The following PGLYRP2 variants were observed in gnomAD, a reference collection of about 807,000 sequenced individuals.
The protein encoded by PGLYRP2 is peptidoglycan recognition protein 2.
In PGLYRP2, 38 loss-of-function variants were observed where a neutral mutation model predicts 46.2. The ratio of observed to expected loss-of-function variants is 0.82; its 90% CI spans 0.64 to 1.08. The LOEUF is 1.08. Among genes scored for constraint, PGLYRP2 ranks in the 50% least tolerant of loss-of-function variants. The probability of loss-of-function intolerance (pLI) is 0.00; values close to 1 mark genes in which losing one functional copy is unlikely to be tolerated. For synonymous variants in PGLYRP2, 289 were observed against 329.4 expected (o/e 0.88, Z 1.33); for missense variants, 713 against 755.9 (o/e 0.94, Z 0.67).
rs1043735100 is a variant in PGLYRP2 at position 15,469,236 on chromosome 19, C to T, written c.1641+396G>A. Reference sequence around the variant, plus strand: ...GGGGTGAGGTCAAGGTTCGGCGGGCCAGGATGAGGTGGTGCAGCCTGACAG... The same window carrying T: ...GGGGTGAGGTCAAGGTTCGGCGGGCTAGGATGAGGTGGTGCAGCCTGACAG... On this transcript the variant is annotated intron_variant, in intron 4 of 4. Transcript: ENST00000340880. This position sits in a 1 kb window ranked among gnomAD's most constrained non-coding sequence, Gnocchi z 4.9. 6.7e-6 allele frequency: 4 copies of T among 595,728 alleles called. No homozygotes were observed. In the African/African-American group the frequency reaches 7.5e-5, roughly 11 times the overall value. The allele number at this position is 595,728 out of a possible 1,614,324, so 36.9% of individuals were successfully genotyped here.
chr19:15,474,182 C>A (rs140755383), intron 2 of PGLYRP2, among the ~76,000 whole-genome samples: 20,808 of 151,840 alleles, frequency 0.14, 1,563 homozygotes, highest in Non-Finnish European at 0.17. Context: ...ACTAAAAATA[C>A]AAAAATTAGC....
chr19:15,470,250 T>C (rs188305973), intron 3 of PGLYRP2, among the ~76,000 whole-genome samples: 6 of 104,128 alleles, frequency 5.8e-5, no homozygotes, highest in African/African-American at 2.6e-4. Flanking sequence ...CTTTCCTTCC[T>C]TCCTTCCTTC....
intron 3 of PGLYRP2, 103 bp from the exon 4 acceptor site, chr19:15,470,032 C>A: frequency 3.3e-6 from 4 of 1,221,190 alleles, no homozygotes; most frequent in Non-Finnish European, 4.2e-6. Flanking sequence ...GGCCACCGAC[C>A]CCAAGACCCG....
Position 15,469,115 on chromosome 19 carries a change from T to G in PGLYRP2, c.1642-363A>C, listed in dbSNP as rs976212087. On this transcript the variant is annotated intron_variant, in intron 4 of 4. Transcript: ENST00000340880. The surrounding 1 kb of genome is among the most constrained non-coding windows in gnomAD (Gnocchi z 4.9). ...AGTTGAGATTGTCTGGACAGAGAAT[T>G]GCAACACAGGATTAAGGACTGGACA... 1.9e-6 allele frequency: 1 copy of G among 533,624 alleles called. No homozygotes were observed. Among genetic ancestry groups the G allele is most frequent in the Non-Finnish European group, 3.3e-6 (1 of 301,086 alleles). 33.1% of individuals were successfully genotyped at this position (533,624 alleles called of 1,614,324 possible).
chr19:15,469,249 T>G lies in PGLYRP2; in HGVS notation c.1641+383A>C. 1.7e-6 allele frequency: 1 copy of G among 598,048 alleles called. No individual in the cohort carries two copies. The highest frequency in any genetic ancestry group is 3.0e-6 in the Non-Finnish European group (1 of 334,464). 37.0% of individuals were successfully genotyped at this position (598,048 alleles called of 1,614,324 possible). On this transcript the variant is annotated intron_variant, in intron 4 of 4. Coordinates refer to ENST00000340880, the MANE Select transcript of PGLYRP2 (RefSeq NM_052890.4). This position sits in a 1 kb window ranked among gnomAD's most constrained non-coding sequence, Gnocchi z 4.9. ...GGTTCGGCGGGCCAGGATGAGGTGGTGCAGCCTGACAGGTTGTGACTTGGG... is the reference window on the plus strand; with the variant it reads ...GGTTCGGCGGGCCAGGATGAGGTGGGGCAGCCTGACAGGTTGTGACTTGGG...
At chr19:15,472,902 T>C (rs1216823831) in intron 2 of PGLYRP2, among the ~76,000 whole-genome samples, 4 of 152,114 alleles carry the variant, frequency 2.6e-5, no homozygotes, top group African/African-American at 9.7e-5. Context: ...ACGAGCCTGG[T>C]ATCACATTAC....
intron 2 of PGLYRP2, among the ~76,000 whole-genome samples, chr19:15,473,685 G>C (rs1205358567): frequency 6.6e-6 from 1 of 151,678 alleles, no homozygotes; most frequent in Non-Finnish European, 1.5e-5. Context: ...AAACCAAAAA[G>C]CTTCTGCACA....
Position 15,476,037 on chromosome 19 carries a change from TG to T in PGLYRP2, c.632del (p.Pro211HisfsTer19). The stretch of plus-strand genomic sequence containing the variant: ...CCAGGAGGCTGTCCACCATGGTCGG[TG>T]GGGACTTGGCTTTGGCATCTGGCAA... The part of the protein sequence containing the change: ...ASLPDAKAKS[P>X]PTMVDSLLAV... On this transcript the variant is annotated frameshift_variant, in exon 2 of 5. Coordinates refer to ENST00000340880, the MANE Select transcript of PGLYRP2 (RefSeq NM_052890.4). LOFTEE classifies it high-confidence loss of function. 1 of 1,614,130 alleles carries T rather than the reference TG, an allele frequency of 6.2e-7. No individual in the cohort carries two copies. The highest frequency in any genetic ancestry group is 8.5e-7 in the Non-Finnish European group (1 of 1,180,030).
At position 15,468,952 on chromosome 19, in the gene PGLYRP2, A is replaced by G. The variant is rs1599762480; in HGVS notation, c.1642-200T>C. ...GGAGTGGCAGTATGTAGGTAGCACG[A>G]GATTGTCCAGGTGTGATTCTAAAAT... On this transcript the variant is annotated intron_variant, in intron 4 of 4. Transcript: ENST00000340880. The G allele has an allele frequency of 7.5e-6, 4 of 532,704 alleles. No homozygotes were observed. The East Asian group carries it at 1.3e-4, about 17-fold the overall frequency. The allele number at this position is 532,704 out of a possible 1,614,324, so 33.0% of individuals were successfully genotyped here.
chr19:15,476,356 C>T lies in PGLYRP2; in HGVS notation c.314G>A (p.Gly105Glu). 6.2e-7 allele frequency: 1 copy of T among 1,614,150 alleles called. No individual in the cohort carries two copies. The highest frequency in any genetic ancestry group is 8.5e-7 in the Non-Finnish European group (1 of 1,180,016). Reference protein sequence around the residue: ...KEVARHDVREGKEYGVVLAPD... With the variant: ...KEVARHDVREEKEYGVVLAPD... ...TGCCAGCACCACCCCATATTCCTTC[C>T]CTTCTCGTACGTCATGTCGGGCCAC... Residue 105 changes from glycine to glutamate, a missense_variant, in exon 2 of 5, where the codon GGG (glycine) becomes GAG (glutamate). Coordinates refer to ENST00000340880, the MANE Select transcript of PGLYRP2 (RefSeq NM_052890.4).
intron 3 of PGLYRP2, among the ~76,000 whole-genome samples, chr19:15,470,241 T>TTTCCTTCCCTCCTTCC (rs1555722732): frequency 9.0e-5 from 9 of 100,002 alleles, no homozygotes; most frequent in African/African-American, 3.4e-4. Context: ...GTTTTTTTTC[T>TTTCCTTCCCTCCTTCC]TTCCTTCCTT....
intron 2 of PGLYRP2, among the ~76,000 whole-genome samples, chr19:15,474,940 T>G (rs1366206059): frequency 6.7e-6 from 1 of 149,368 alleles, no homozygotes; most frequent in African/African-American, 2.5e-5. Context: ...TGAGCTGAGA[T>G]CGTGCCACTG....
chr19:15,472,417 C>T (rs1009340883), intron 2 of PGLYRP2, among the ~76,000 whole-genome samples: 2 of 148,814 alleles, frequency 1.3e-5, no homozygotes, highest in East Asian at 2.0e-4. Context: ...TGGTGAAACC[C>T]GGTCTCTACT....
rs951399245 is a variant in PGLYRP2 at position 15,475,573 on chromosome 19, G to A, written c.1097C>T (p.Ala366Val). The change falls in exon 2 of 5, where the codon GCC (alanine) becomes GTC (valine). Residue 366 changes from alanine to valine, a missense_variant. Physicochemically the swap from Ala to Val is moderately conservative, Grantham distance 64. Coordinates refer to ENST00000340880, the MANE Select transcript of PGLYRP2 (RefSeq NM_052890.4). ...MSQEQLAQVA[A>V]NATKEFTEAF... ...CTCAGTGAATTCCTTGGTAGCATTG[G>A]CAGCCACCTGGGCCAGCTGTTCTTG... The A allele has an allele frequency of 1.9e-6, 3 of 1,609,688 alleles. No homozygotes were observed. In the African/African-American group the frequency reaches 4.0e-5, roughly 22 times the overall value.
Position 15,475,882 on chromosome 19 carries a change from G to A in PGLYRP2, c.788C>T (p.Pro263Leu), listed in dbSNP as rs773808477. ...GGCCATGGTTAACAGAGATGCCTTG[G>A]GGTCCAAAAGCGTAAAGGTCCGAGG... The part of the protein sequence containing the change: ...SAPRTFTLLD[P>L]KASLLTMAFL... Residue 263 changes from proline to leucine, a missense_variant, in exon 2 of 5, where the codon CCC becomes CTC. Transcript: ENST00000340880. 2.5e-6 allele frequency: 4 copies of A among 1,614,110 alleles called. No individual in the cohort carries two copies. The highest frequency in any genetic ancestry group is 1.3e-5 in the African/African-American group (1 of 75,028).
In PGLYRP2 at chr19:15,469,842, GC is replaced by G; in HGVS notation, c.1430del (p.Gly477AlafsTer6). On this transcript the variant is annotated frameshift_variant, in exon 4 of 5. Coordinates refer to ENST00000340880, the MANE Select transcript of PGLYRP2 (RefSeq NM_052890.4). LOFTEE classifies it high-confidence loss of function. This position sits in a 1 kb window ranked among gnomAD's most constrained non-coding sequence, Gnocchi z 4.9. ...AGTTGCCCACTATGGCCACGCCGAA[GC>G]CCCGGGAGTTGTGGCCGAGCGTGTG... is the stretch of plus-strand genomic sequence containing the variant. ...GAHTLGHNSR[G>X]FGVAIVGNYT... The G allele has an allele frequency of 1.3e-6, 2 of 1,530,230 alleles. No individual in the cohort carries two copies. Among genetic ancestry groups the G allele is most frequent in the Admixed American group, 2.1e-5 (1 of 48,574 alleles). 94.8% of individuals were successfully genotyped at this position (1,530,230 alleles called of 1,614,324 possible). A position where few individuals can be genotyped will look rare whatever the true frequency, so the allele number is the denominator to read the frequency against.
intron 3 of PGLYRP2, among the ~76,000 whole-genome samples, chr19:15,470,945 CCTT>C (rs1184553234): frequency 3.3e-5 from 5 of 151,080 alleles, no homozygotes; most frequent in Non-Finnish European, 5.9e-5. Context: ...CTCCCGGCCT[CCTT>C]CTTCTTTTCG....
At position 15,476,173 on chromosome 19, in the gene PGLYRP2, C is replaced by T. The variant is rs1253423093; in HGVS notation, c.497G>A (p.Arg166Lys). The change falls in exon 2 of 5, where the codon AGA (arginine) becomes AAA (lysine). Residue 166 changes from arginine to lysine, a missense_variant. Arg to Lys is a conservative substitution (Grantham distance 26). Coordinates refer to ENST00000340880, the MANE Select transcript of PGLYRP2 (RefSeq NM_052890.4). Reference sequence around the variant, plus strand: ...CCTGAGTCCTGGGGAGGAGGTGGCTCTTACATCTGGAGCAATGGCCACAAC... The same window carrying T: ...CCTGAGTCCTGGGGAGGAGGTGGCTTTTACATCTGGAGCAATGGCCACAAC... ...PDVVAIAPDV[R>K]ATSSPGLRDG... 6.2e-7 allele frequency: 1 copy of T among 1,614,156 alleles called. No individual in the cohort carries two copies. The highest frequency in any genetic ancestry group is 8.5e-7 in the Non-Finnish European group (1 of 1,180,020).
At chr19:15,472,361 G>A (rs1053501364) in intron 2 of PGLYRP2, among the ~76,000 whole-genome samples, 2 of 152,210 alleles carry the variant, frequency 1.3e-5, no homozygotes, top group Non-Finnish European at 2.9e-5. Flanking sequence ...AGGACGAGGT[G>A]GGTGGATCAC....
Sources: gnomAD v4.1 joint callset for allele counts (sites outside exome capture counted in the v4.1 genomes callset) on GRCh38, gnomAD v4.1.1 for gene constraint, Gnocchi (gnomAD v3.1) non-coding constraint, MANE v1.5 for transcripts, NCBI Gene and HGNC (gene_info 2026-07-23, HGNC 2026-07-21) for gene names.